The following KLF11 variants were observed in gnomAD, a reference collection of about 807,000 sequenced individuals.
The protein encoded by KLF11 is Krueppel-like factor 11.
Under a neutral mutation model 29.9 loss-of-function variants are expected in KLF11, and 26 were observed. That is an observed-to-expected ratio of 0.87 (90% confidence interval 0.64 to 1.21). KLF11 has a LOEUF of 1.21. Ranked by LOEUF, KLF11 falls within the 50% of genes most tolerant of loss-of-function variation. KLF11 has a pLI of 0.00. For missense variants in KLF11, 778 were observed against 665.7 expected (o/e 1.17, Z -1.86); for synonymous variants, 318 against 257.4 (o/e 1.24, Z -2.25).
At chr2:10,044,648 C>CT (rs1387823052) in intron 1 of KLF11, among the ~76,000 whole-genome samples, 1 of 88,892 alleles carries the variant, frequency 1.1e-5, no homozygotes, top group Non-Finnish European at 2.4e-5. Context: ...AGTTTCCTTT[C>CT]CTTTTTTTTT....
chr2:10,047,883 C>A lies in KLF11; in HGVS notation c.546C>A (p.Ser182Arg), dbSNP rs142266428. 2.2e-4 allele frequency: 347 copies of A among 1,613,756 alleles called. 1 individual carries two copies. The highest frequency in any genetic ancestry group is 2.4e-4 in the Non-Finnish European group (288 of 1,180,032). Reference sequence around the variant, plus strand: ...GCGTGATCCGACACACTGGGGAGAGCCCTGCTGCCTGCTTTCCCACCATCC... The same window carrying A: ...GCGTGATCCGACACACTGGGGAGAGACCTGCTGCCTGCTTTCCCACCATCC... ...GTSVIRHTGE[S>R]PAACFPTIQT... Residue 182 changes from serine to arginine, a missense_variant, in exon 3 of 4, where the codon AGC becomes AGA. Physicochemically the swap from Ser to Arg is moderately radical, Grantham distance 110 (BLOSUM62 -1). Transcript: ENST00000305883.
chr2:10,046,508 T>C, intron 2 of KLF11, 89 bp downstream of exon 2: 2 of 1,428,110 alleles, frequency 1.4e-6, no homozygotes, highest in Non-Finnish European at 1.9e-6. Context: ...GAAGATTCCC[T>C]GGGATGCTGG....
chr2:10,044,936 G>A (rs926306556), intron 1 of KLF11, among the ~76,000 whole-genome samples: 20 of 152,074 alleles, frequency 1.3e-4, no homozygotes, highest in Admixed American at 1.3e-3. Context: ...ACCTGAGGCC[G>A]GGCTTTCGAG....
chr2:10,045,284 G>A (rs1463998043), intron 1 of KLF11, among the ~76,000 whole-genome samples: 1 of 152,140 alleles, frequency 6.6e-6, no homozygotes, highest in Non-Finnish European at 1.5e-5. Context: ...AATTTTCTGG[G>A]CGTGGTGGCG....
chr2:10,046,034 T>C (rs1661187323), intron 1 of KLF11, 116 bp from the exon 2 acceptor site: 7 of 1,147,714 alleles, frequency 6.1e-6, no homozygotes, highest in Non-Finnish European at 9.2e-6. Context: ...CTATAGACTA[T>C]TGCATGTGCA....
intron 3 of KLF11, among the ~76,000 whole-genome samples, chr2:10,050,552 A>G (rs901361694): frequency 2.0e-5 from 3 of 152,052 alleles, no homozygotes; most frequent in African/African-American, 7.2e-5. Context: ...TCTACTAAAA[A>G]TACAAAAATA....
chr2:10,045,077 C>T lies in KLF11; in HGVS notation c.43-1073C>T, dbSNP rs544426877. Among the ~76,000 whole-genome samples the T allele has an allele frequency of 1.6e-4, 24 of 151,706 alleles. No homozygotes were observed. The East Asian group carries it at 4.7e-3, about 29-fold the overall frequency. ...AGGAGAGTCGCTTGAACCTGGGAGG[C>T]AGAAGTTGTGGTGAGCCGAGATGGT... On this transcript the variant is annotated intron_variant, in intron 1 of 3. Transcript: ENST00000305883.
In KLF11 at chr2:10,044,002, C is replaced by T. The variant is rs1202157181; in HGVS notation, c.42+244C>T. On this transcript the variant is annotated intron_variant, in intron 1 of 3. Coordinates refer to ENST00000305883, the MANE Select transcript of KLF11 (RefSeq NM_003597.5). ...CCCGCGCAGCTTTGTCTTGCGCTTC[C>T]TGGGCGGCCCCGCCCCGCTGGCCCC... 72 of 789,350 alleles carry T rather than the reference C, an allele frequency of 9.1e-5. No individual in the cohort carries two copies. In the East Asian group the frequency reaches 7.2e-3, roughly 79 times the overall value. The allele number at this position is 789,350 out of a possible 1,614,324, so 48.9% of individuals were successfully genotyped here.
intron 3 of KLF11, 45 bp downstream of exon 3, chr2:10,048,640 G>T: frequency 1.4e-6 from 2 of 1,456,650 alleles, no homozygotes; most frequent in Non-Finnish European, 1.9e-6. Context: ...CAGACCCTGT[G>T]GTTAGGAAGC....
intron 1 of KLF11, 60 bp downstream of exon 1, chr2:10,043,818 A>T (rs1661073365): frequency 7.7e-7 from 1 of 1,303,172 alleles, no homozygotes; most frequent in South Asian, 1.3e-5. Context: ...AGGCGGGGGA[A>T]GTGGTGCGGC....
At position 10,046,508 on chromosome 2, in the gene KLF11, T is replaced by G. The variant is rs147382801; in HGVS notation, c.312+89T>G. ...TTGAAGAACTTGTGAGAAGATTCCC[T>G]GGGATGCTGGCAAATAAGTTGCGTA... On this transcript the variant is annotated intron_variant, in intron 2 of 3. Coordinates refer to ENST00000305883, the MANE Select transcript of KLF11 (RefSeq NM_003597.5). The G allele has an allele frequency of 2.1e-4, 303 of 1,428,110 alleles. 2 individuals carry two copies. The African/African-American group carries it at 3.6e-3, about 17-fold the overall frequency. 88.5% of individuals were successfully genotyped at this position (1,428,110 alleles called of 1,614,324 possible).
At chr2:10,051,662 T>C (rs753955035) in intron 3 of KLF11, among the ~76,000 whole-genome samples, 8 of 151,812 alleles carry the variant, frequency 5.3e-5, no homozygotes, top group East Asian at 1.9e-4. Flanking sequence ...GGACTACAGG[T>C]GCCCGCCACC....
At chr2:10,044,333 T>TG (rs76971231) in intron 1 of KLF11, 53,743 of 985,456 alleles carry the variant, frequency 0.055, 1,803 homozygotes, top group East Asian at 0.17. Flanking sequence ...ACGCGAGCGT[T>TG]GGGGGCCCTA....
In KLF11 at chr2:10,052,128, G is replaced by A. The variant is rs1661422642; in HGVS notation, c.1259-99G>A. The A allele has an allele frequency of 6.4e-6, 8 of 1,257,828 alleles. No homozygotes were observed. In the East Asian group the frequency reaches 1.9e-4, roughly 29 times the overall value. The allele number at this position is 1,257,828 out of a possible 1,614,324, so 77.9% of individuals were successfully genotyped here. A position where few individuals can be genotyped will look rare whatever the true frequency, so the allele number is the denominator to read the frequency against. On this transcript the variant is annotated intron_variant, in intron 3 of 3. Transcript: ENST00000305883. ...GAGTAATAAGATACCACTTTCTTCTGAGTTTGATGAACACGATTTTAAAAT... is the reference window on the plus strand; with the variant it reads ...GAGTAATAAGATACCACTTTCTTCTAAGTTTGATGAACACGATTTTAAAAT...
chr2:10,044,034 A>G (rs1183639123), intron 1 of KLF11: 8 of 712,026 alleles, frequency 1.1e-5, no homozygotes, highest in South Asian at 6.1e-5. Context: ...CCCCGCGGCT[A>G]TTTCCAGCCA....
At position 10,053,444 on chromosome 2, in the gene KLF11, TG is replaced by T. The variant is rs1285520611; in HGVS notation, c.*938del. On this transcript the variant is annotated 3_prime_UTR_variant, in exon 4 of 4. Coordinates refer to ENST00000305883, the MANE Select transcript of KLF11 (RefSeq NM_003597.5). ...TGCTGTGGCCTTATCCGTACTATAT[TG>T]TGGGTAGAGTAACTTCTCAGAAAAA... The T allele has an allele frequency of 4.0e-5, 16 of 398,546 alleles. No homozygotes were observed. The highest frequency in any genetic ancestry group is 6.2e-5 in the Non-Finnish European group (14 of 226,084). 24.7% of individuals were successfully genotyped at this position (398,546 alleles called of 1,614,324 possible).
rs200811754 is a variant in KLF11, at chr2:10,047,622, C to G, written c.313-28C>G. 912 of 1,581,826 alleles carry G rather than the reference C, an allele frequency of 5.8e-4. 3 individuals are homozygous for G. In the Middle Eastern group the frequency reaches 8.3e-3, roughly 14 times the overall value. ...AAATCCCTTTTAAAATTTAAAGCAACCTTTTAACATGGTACTTTTTTTTTT... is the reference window on the plus strand; with the variant it reads ...AAATCCCTTTTAAAATTTAAAGCAAGCTTTTAACATGGTACTTTTTTTTTT... On this transcript the variant is annotated intron_variant, in intron 2 of 3. Transcript: ENST00000305883.
At chr2:10,046,861 AAAAAT>A (rs1661222203) in intron 2 of KLF11, among the ~76,000 whole-genome samples, 1 of 152,254 alleles carries the variant, frequency 6.6e-6, no homozygotes, top group Non-Finnish European at 1.5e-5. Flanking sequence ...CATCTCAAAA[AAAAAT>A]AAAAGAACAA....
chr2:10,046,950 G>A (rs1661225890), intron 2 of KLF11, among the ~76,000 whole-genome samples: 2 of 152,212 alleles, frequency 1.3e-5, no homozygotes, highest in Admixed American at 1.3e-4. Flanking sequence ...TAGCTACGTG[G>A]TTAATGTCCG....
Sources: allele counts gnomAD v4.1 joint callset (sites outside exome capture counted in the v4.1 genomes callset), GRCh38; gene constraint gnomAD v4.1.1; transcripts MANE v1.5; gene names NCBI Gene and HGNC (gene_info 2026-07-23, HGNC 2026-07-21).